The following LCLAT1 variants were observed in gnomAD, a reference collection of about 807,000 sequenced individuals.
The protein encoded by LCLAT1 is lysocardiolipin acyltransferase 1, also known as 1-AGP acyltransferase 8.
LCLAT1 carries 11 observed loss-of-function variants against 30.7 expected under a neutral mutation model. The observed-to-expected ratio is 0.36, with a 90% CI of 0.23 to 0.59. The LOEUF is 0.59. LCLAT1 is among the 20% of genes least tolerant of loss of function. The pLI, the probability that LCLAT1 is intolerant of heterozygous loss-of-function variation, is 0.77. For synonymous variants in LCLAT1, 155 were observed against 151.3 expected (o/e 1.02, Z -0.18); for missense variants, 402 against 458.6 (o/e 0.88, Z 1.13).
At chr2:30,639,791 A>G (rs993832423) in intron 5 of LCLAT1, among the ~76,000 whole-genome samples, 1 of 152,186 alleles carries the variant, frequency 6.6e-6, no homozygotes, top group Non-Finnish European at 1.5e-5. Context: ...GTGTTTAAGG[A>G]GCTAGCCCTG....
intron 1 of LCLAT1, among the ~76,000 whole-genome samples, chr2:30,478,631 G>A (rs1304083358): frequency 6.6e-6 from 1 of 152,156 alleles, no homozygotes; most frequent in East Asian, 1.9e-4. Context: ...TTGTGCCACT[G>A]CACTCCAGTC....
At chr2:30,500,685 G>T (rs1268567267) in intron 1 of LCLAT1, among the ~76,000 whole-genome samples, 2 of 152,146 alleles carry the variant, frequency 1.3e-5, no homozygotes, top group South Asian at 2.1e-4. Context: ...GTGAAGAACC[G>T]ATTGTAAGAG....
intron 4 of LCLAT1, among the ~76,000 whole-genome samples, chr2:30,567,680 A>G (rs139935190): frequency 2.0e-5 from 3 of 152,196 alleles, no homozygotes; most frequent in Non-Finnish European, 4.4e-5. Context: ...GTGCCATTCA[A>G]ACATCTCCTA....
At chr2:30,615,333 T>C (rs905289217) in intron 5 of LCLAT1, among the ~76,000 whole-genome samples, 1 of 152,042 alleles carries the variant, frequency 6.6e-6, no homozygotes, top group African/African-American at 2.4e-5. Context: ...CACACAGTAG[T>C]AGGAGAGTAT....
chr2:30,620,654 T>A (rs1668200410), intron 5 of LCLAT1, among the ~76,000 whole-genome samples: 1 of 152,176 alleles, frequency 6.6e-6, no homozygotes, highest in African/African-American at 2.4e-5. Flanking sequence ...TAGAAGAAAT[T>A]TCCTTCCTCA....
At chr2:30,451,084 G>T (rs1681524772) in intron 1 of LCLAT1, among the ~76,000 whole-genome samples, 1 of 152,160 alleles carries the variant, frequency 6.6e-6, no homozygotes, top group African/African-American at 2.4e-5. Flanking sequence ...CTATTAGAGG[G>T]TCTCAGAATG....
chr2:30,459,956 G>C (rs536250617), intron 1 of LCLAT1, among the ~76,000 whole-genome samples: 3 of 152,218 alleles, frequency 2.0e-5, no homozygotes, highest in African/African-American at 7.2e-5. Context: ...AACAAACCCA[G>C]CATTTCTGTT....
intron 3 of LCLAT1, among the ~76,000 whole-genome samples, chr2:30,559,975 C>T (rs1025170574): frequency 6.6e-6 from 1 of 152,100 alleles, no homozygotes; most frequent in African/African-American, 2.4e-5. Context: ...GATACTGTTG[C>T]ATTGTGCTCA....
At chr2:30,526,077 T>C (rs1685704888) in intron 2 of LCLAT1, among the ~76,000 whole-genome samples, 1 of 152,208 alleles carries the variant, frequency 6.6e-6, no homozygotes, top group Non-Finnish European at 1.5e-5. Context: ...TCACAAATGC[T>C]GAACGCAGGG....
chr2:30,633,407 C>A (rs983394390), intron 5 of LCLAT1, among the ~76,000 whole-genome samples: 26 of 152,048 alleles, frequency 1.7e-4, no homozygotes, highest in African/African-American at 6.3e-4. Flanking sequence ...AGTTACATGT[C>A]GCCGGGCACA....
chr2:30,452,415 A>G lies in LCLAT1; in HGVS notation c.-5+5032A>G, dbSNP rs565167125. Among the ~76,000 whole-genome samples, 15 of 151,992 alleles carry G rather than the reference A, an allele frequency of 9.9e-5. No individual in the cohort carries two copies. The South Asian group carries it at 2.5e-3, about 25-fold the overall frequency. ...TTTTTTTCGCTAAAATGACTTTTAT[A>G]TAATTGTTTTGCAAAAGGCAAATGT... On this transcript the variant is annotated intron_variant, in intron 1 of 5. Transcript: ENST00000379509.
At chr2:30,535,252 A>G (rs1686186715) in intron 3 of LCLAT1, among the ~76,000 whole-genome samples, 1 of 152,212 alleles carries the variant, frequency 6.6e-6, no homozygotes, top group Non-Finnish European at 1.5e-5. Flanking sequence ...TAATGCCATA[A>G]GTGTTCAATT....
At chr2:30,512,831 A>G (rs829633) in intron 1 of LCLAT1, among the ~76,000 whole-genome samples, 14,651 of 152,110 alleles carry the variant, frequency 0.096, 750 homozygotes, top group East Asian at 0.14. Context: ...CCCTTCTCTT[A>G]TTGGTAGGCT....
chr2:30,557,320 G>GTT (rs1015265854), intron 3 of LCLAT1, among the ~76,000 whole-genome samples: 5 of 146,730 alleles, frequency 3.4e-5, no homozygotes, highest in African/African-American at 5.0e-5. Flanking sequence ...GTGTGTGTGT[G>GTT]TGTGTGTATG....
At chr2:30,596,074 T>C (rs1437193257) in intron 5 of LCLAT1, among the ~76,000 whole-genome samples, 1 of 152,216 alleles carries the variant, frequency 6.6e-6, no homozygotes, top group East Asian at 1.9e-4. Flanking sequence ...TCTTTGCTAT[T>C]GTGACTAGTG....
At chr2:30,627,137 A>G (rs1337179030) in intron 5 of LCLAT1, among the ~76,000 whole-genome samples, 2 of 152,208 alleles carry the variant, frequency 1.3e-5, no homozygotes, top group Admixed American at 6.5e-5. Context: ...AAAGAACAGC[A>G]AAAGTGAGAC....
At chr2:30,546,528 T>A (rs1431069726) in intron 3 of LCLAT1, among the ~76,000 whole-genome samples, 3 of 152,150 alleles carry the variant, frequency 2.0e-5, no homozygotes, top group Admixed American at 6.6e-5. Flanking sequence ...GAAAGACTCA[T>A]GTGGTCAGAT....
At chr2:30,595,877 A>G (rs1419071299) in intron 5 of LCLAT1, among the ~76,000 whole-genome samples, 1 of 152,078 alleles carries the variant, frequency 6.6e-6, no homozygotes, top group Non-Finnish European at 1.5e-5. Context: ...CCTCCCACTT[A>G]CAAGTGAGAA....
At chr2:30,615,394 A>C (rs1466401771) in intron 5 of LCLAT1, among the ~76,000 whole-genome samples, 2 of 152,134 alleles carry the variant, frequency 1.3e-5, no homozygotes, top group Non-Finnish European at 2.9e-5. Context: ...TTCTCAGTGA[A>C]ATAGGATGAG....
Sources: gnomAD v4.1 joint callset for allele counts (sites outside exome capture counted in the v4.1 genomes callset) on GRCh38, gnomAD v4.1.1 for gene constraint, MANE v1.5 for transcripts, NCBI Gene and HGNC (gene_info 2026-07-23, HGNC 2026-07-21) for gene names.